Variants in DBNDD1 observed in about 807,000 individuals in gnomAD.
DBNDD1 encodes the protein dysbindin domain-containing protein 1.
A neutral mutation model predicts 17.0 loss-of-function variants in DBNDD1; 14 were observed. The ratio of observed to expected loss-of-function variants is 0.82; its 90% CI spans 0.54 to 1.29. The LOEUF is 1.29. Ranked by LOEUF, DBNDD1 falls within the 50% of genes most tolerant of loss-of-function variation. The pLI, the probability that DBNDD1 is intolerant of heterozygous loss-of-function variation, is 0.00. For synonymous variants in DBNDD1, 105 were observed against 102.0 expected (o/e 1.03, Z -0.18); for missense variants, 221 against 216.2 (o/e 1.02, Z -0.14).
rs771803026 is a variant in DBNDD1, at chr16:90,009,417, C to G, written c.45G>C (p.Glu15Asp). The part of the protein sequence containing the change: ...EGAGTGEIVK[E>D]AEVPQAALGV... Reference sequence around the variant, plus strand: ...CCAGCGCAGCCTGCGGCACCTCAGCCTCCTTAACGATCTCTGCATCCAAAG... The same window carrying G: ...CCAGCGCAGCCTGCGGCACCTCAGCGTCCTTAACGATCTCTGCATCCAAAG... The change falls in exon 2 of 4, where the codon GAG (glutamate) becomes GAC (aspartate). Residue 15 changes from glutamate to aspartate, a missense_variant. Physicochemically the swap from Glu to Asp is conservative, Grantham distance 45. Coordinates refer to ENST00000002501, the MANE Select transcript of DBNDD1 (RefSeq NM_001042610.3). The G allele has an allele frequency of 4.7e-5, 76 of 1,611,712 alleles. No individual in the cohort carries two copies. Among genetic ancestry groups the G allele is most frequent in the Non-Finnish European group, 6.4e-5 (76 of 1,180,014 alleles).
chr16:90,008,626 C>G (rs112638579), intron 3 of DBNDD1, among the ~76,000 whole-genome samples, 158 bp downstream of exon 3: 30 of 96,406 alleles, frequency 3.1e-4, no homozygotes, highest in African/African-American at 8.9e-4. Context: ...AGCCCACCAC[C>G]CACACCTCCC....
chr16:90,009,561 G>A, intron 1 of DBNDD1, 131 bp from the exon 2 acceptor site: 2 of 1,396,488 alleles, frequency 1.4e-6, no homozygotes, highest in Admixed American at 3.9e-5. Flanking sequence ...CAGGTGATGG[G>A]ATGGCTGGGC....
chr16:90,015,807 C>A lies in DBNDD1; in HGVS notation c.31+3504G>T, dbSNP rs142849885. ...CTAGGAAATGTCCAGAATAGGCAAG[C>A]GCGTAGACATTCCATCAGTGATCGT... is the stretch of plus-strand genomic sequence containing the variant. On this transcript the variant is annotated intron_variant, in intron 1 of 3. Transcript: ENST00000002501. 8.8e-4 allele frequency among the ~76,000 whole-genome samples: 133 copies of A among 151,276 alleles called. 2 individuals are homozygous for A. Among genetic ancestry groups the A allele is most frequent in the Admixed American group, 5.9e-4 (9 of 15,214 alleles).
In DBNDD1 at chr16:90,009,178, A is replaced by C. The variant is rs2035501136; in HGVS notation, c.178+106T>G. 6 of 1,499,700 alleles carry C rather than the reference A, an allele frequency of 4.0e-6. No homozygotes were observed. The South Asian group carries it at 5.0e-5, about 12-fold the overall frequency. The allele number at this position is 1,499,700 out of a possible 1,614,324, so 92.9% of individuals were successfully genotyped here. ...GAGCCTAGCACACAGCGCCGGACCT[A>C]GACCCCCCAGGGAGTGTTTGGACAG... is the stretch of plus-strand genomic sequence containing the variant. On this transcript the variant is annotated intron_variant, in intron 2 of 3. Coordinates refer to ENST00000002501, the MANE Select transcript of DBNDD1 (RefSeq NM_001042610.3).
rs368814962 is a variant in DBNDD1 at position 90,008,871 on chromosome 16, T to G, written c.232A>C (p.Thr78Pro). 10 of 1,599,348 alleles carry G rather than the reference T, an allele frequency of 6.3e-6. No homozygotes were observed. The African/African-American group carries it at 1.2e-4, about 19-fold the overall frequency. Reference protein sequence around the residue: ...LEVHFDLLDLTELTDMSDQEL... With the variant: ...LEVHFDLLDLPELTDMSDQEL... ...TGGTCCGACATGTCGGTGAGCTCAG[T>G]GAGGTCCAGGAGGTCGAAGTGGACC... The change falls in exon 3 of 4, where the codon ACT (threonine) becomes CCT (proline). Residue 78 changes from threonine to proline, a missense_variant. Transcript: ENST00000002501.
chr16:90,017,367 C>T (rs529410537), intron 1 of DBNDD1, among the ~76,000 whole-genome samples: 9 of 152,100 alleles, frequency 5.9e-5, no homozygotes, highest in South Asian at 2.1e-4. Context: ...TGGTGGCGGG[C>T]GCCTGTAGTC....
At chr16:90,019,642 C>T (rs1397726220), upstream of DBNDD1, 7 of 426,024 alleles carry the variant, frequency 1.6e-5, no homozygotes, top group Non-Finnish European at 2.5e-5. This position sits in a 1 kb window ranked among gnomAD's most constrained non-coding sequence, Gnocchi z 6.1. Flanking sequence ...CCTTCCCTCG[C>T]GGGCCGCGCC....
intron 1 of DBNDD1, among the ~76,000 whole-genome samples, chr16:90,018,722 TC>T (rs1172417220): frequency 6.6e-6 from 1 of 152,022 alleles, no homozygotes; most frequent in Non-Finnish European, 1.5e-5. Flanking sequence ...GCACCTACCC[TC>T]CCCGATGAGC....
Position 90,008,797 on chromosome 16 carries a change from G to A in DBNDD1, c.306C>T (p.Thr102=), listed in dbSNP as rs936557301. ...FADSDDENLN[T]ESPAGLHPLP... The stretch of plus-strand genomic sequence containing the variant: ...TGCCGGCCTCACCTGCTGGGGACTC[G>A]GTGTTGAGGTTCTCGTCGTCCGAGT... The change falls in exon 3 of 4, where the codon ACC becomes ACT. Residue 102 remains threonine (T), a synonymous_variant. Coordinates refer to ENST00000002501, the MANE Select transcript of DBNDD1 (RefSeq NM_001042610.3). 9.4e-6 allele frequency: 15 copies of A among 1,596,766 alleles called. No individual in the cohort carries two copies. The highest frequency in any genetic ancestry group is 6.8e-6 in the Non-Finnish European group (8 of 1,168,118).
At chr16:90,014,412 A>T (rs2151264351) in intron 1 of DBNDD1, among the ~76,000 whole-genome samples, 1 of 152,170 alleles carries the variant, frequency 6.6e-6, no homozygotes, top group South Asian at 2.1e-4. Context: ...GGTGTGAGCC[A>T]CCGTGCCGGG....
At chr16:90,016,074 G>A (rs2035636744) in intron 1 of DBNDD1, among the ~76,000 whole-genome samples, 1 of 152,210 alleles carries the variant, frequency 6.6e-6, no homozygotes, top group Admixed American at 6.5e-5. Flanking sequence ...GCAAAGCCGG[G>A]AGGAAATGAC....
chr16:90,013,417 C>T (rs1290300679), intron 1 of DBNDD1, among the ~76,000 whole-genome samples: 1 of 152,110 alleles, frequency 6.6e-6, no homozygotes, highest in Non-Finnish European at 1.5e-5. Flanking sequence ...GAAGCTGAGG[C>T]ACAGAGCAGC....
chr16:90,008,943 C>T lies in DBNDD1; in HGVS notation c.179-19G>A. On this transcript the variant is annotated intron_variant, in intron 2 of 3. Coordinates refer to ENST00000002501, the MANE Select transcript of DBNDD1 (RefSeq NM_001042610.3). ...AGAGGCTCTGAGGGCAGAGGGGGTA[C>T]AGTCAGCCCTCAGGCCCTCCCACAA... 2 of 1,536,964 alleles carry T rather than the reference C, an allele frequency of 1.3e-6. No homozygotes were observed. Among genetic ancestry groups the T allele is most frequent in the East Asian group, 2.4e-5 (1 of 41,288 alleles).
chr16:90,014,826 C>T (rs2035612669), intron 1 of DBNDD1, among the ~76,000 whole-genome samples: 2 of 151,890 alleles, frequency 1.3e-5, no homozygotes, highest in South Asian at 2.1e-4. Context: ...GCCAACATGG[C>T]GAAACCCCGT....
chr16:90,011,728 T>C (rs1355805086), intron 1 of DBNDD1: 1 of 451,214 alleles, frequency 2.2e-6, no homozygotes, highest in African/African-American at 2.0e-5. Context: ...TCCTAAAGGG[T>C]CAAGTTACTG....
At chr16:90,006,812 C>T (rs530086517) in intron 3 of DBNDD1, 23 of 280,596 alleles carry the variant, frequency 8.2e-5, no homozygotes, top group Non-Finnish European at 1.4e-4. Context: ...CTGTTCCCCC[C>T]GCAGGTGTCC....
In DBNDD1 at chr16:90,006,472, C is replaced by T. The variant is rs745964100; in HGVS notation, c.340G>A (p.Ala114Thr). The T allele has an allele frequency of 8.1e-6, 13 of 1,598,940 alleles. No homozygotes were observed. The highest frequency in any genetic ancestry group is 5.0e-5 in the Admixed American group (3 of 59,958). Residue 114 changes from alanine (A) to threonine (T), a missense_variant, in exon 4 of 4, where the codon GCC becomes ACC. By Grantham distance (58) the Ala-to-Thr change is moderately conservative. Coordinates refer to ENST00000002501, the MANE Select transcript of DBNDD1 (RefSeq NM_001042610.3). ...CAGGAAGGGGAGCGCAGGTAGCCGG[C>T]CCGGGGCAGCGGGTGCAGACCTAGG... ...SPAGLHPLPR[A>T]GYLRSPSWTR...
upstream of DBNDD1, chr16:90,019,833 G>A (rs2151268314): frequency 1.5e-6 from 1 of 688,588 alleles, no homozygotes; most frequent in South Asian, 1.5e-5. This position sits in a 1 kb window ranked among gnomAD's most constrained non-coding sequence, Gnocchi z 6.1. Context: ...GGCACAGGAG[G>A]GGCCTGACTC....
chr16:90,019,678 G>A (rs1200085488), upstream of DBNDD1: 4 of 547,738 alleles, frequency 7.3e-6, no homozygotes, highest in Non-Finnish European at 9.5e-6. This position sits in a 1 kb window ranked among gnomAD's most constrained non-coding sequence, Gnocchi z 6.1. Flanking sequence ...CCGGGACCTG[G>A]CTGCGCCCTC....
Sources: gnomAD v4.1 joint callset for allele counts (sites outside exome capture counted in the v4.1 genomes callset) on GRCh38, gnomAD v4.1.1 for gene constraint, Gnocchi (gnomAD v3.1) non-coding constraint, MANE v1.5 for transcripts, NCBI Gene and HGNC (gene_info 2026-07-23, HGNC 2026-07-21) for gene names.